The following PIP5K1A variants were observed in gnomAD, a reference collection of about 807,000 sequenced individuals.
The protein encoded by PIP5K1A is phosphatidylinositol 4-phosphate 5-kinase type-1 alpha.
PIP5K1A carries 46 observed loss-of-function variants against 72.9 expected under a neutral mutation model. The ratio of observed to expected loss-of-function variants is 0.63; its 90% CI spans 0.50 to 0.81. The LOEUF (loss-of-function observed/expected upper bound fraction) is 0.81, where lower values mean the gene tolerates loss of function less well. Among genes scored for constraint, PIP5K1A ranks in the 30% least tolerant of loss-of-function variants. The probability of loss-of-function intolerance (pLI) is 0.00; values close to 1 mark genes in which losing one functional copy is unlikely to be tolerated. For synonymous variants in PIP5K1A, 228 were observed against 255.1 expected (o/e 0.89, Z 1.01); for missense variants, 458 against 706.1 (o/e 0.65, Z 3.98).
At chr1:151,230,470 A>G (rs763394382) in intron 4 of PIP5K1A, among the ~76,000 whole-genome samples, 11 of 152,280 alleles carry the variant, frequency 7.2e-5, no homozygotes, top group Middle Eastern at 3.4e-3. Context: ...TGATAATTCT[A>G]AGTCTGAATA....
Position 151,242,547 on chromosome 1 carries a change from T to C in PIP5K1A, c.1620T>C (p.Thr540=). 3 of 1,613,980 alleles carry C rather than the reference T, an allele frequency of 1.9e-6. No homozygotes were observed. Among genetic ancestry groups the C allele is most frequent in the Non-Finnish European group, 2.5e-6 (3 of 1,179,818 alleles). The change falls in exon 14 of 16, where the codon ACT becomes ACC. Residue 540 remains threonine, a synonymous_variant. Transcript: ENST00000368888. ...DPSFSPLVGE[T]LQMLTTSTTL... is the part of the protein sequence containing the mutation. ...GTTTCTCACCTCTAGTTGGAGAGAC[T>C]TTGCAAATGCTAACTACAAGGTTGG...
chr1:151,247,626 G>A (rs587594286), intron 15 of PIP5K1A, among the ~76,000 whole-genome samples: 56 of 151,924 alleles, frequency 3.7e-4, no homozygotes, highest in Non-Finnish European at 1.8e-4. Flanking sequence ...GGGTTTCACC[G>A]TGTTAGCCAG....
intron 1 of PIP5K1A, among the ~76,000 whole-genome samples, chr1:151,211,461 G>A (rs1399957142): frequency 6.6e-6 from 1 of 152,052 alleles, no homozygotes; most frequent in East Asian, 1.9e-4. Flanking sequence ...CTCCAGCCTG[G>A]GTGACAGAGT....
chr1:151,204,107 C>T (rs1193682991), intron 1 of PIP5K1A, among the ~76,000 whole-genome samples: 1 of 152,122 alleles, frequency 6.6e-6, no homozygotes, highest in Non-Finnish European at 1.5e-5. Context: ...TTGCTTTGTT[C>T]TTCCCAGCAG....
At position 151,242,582 on chromosome 1, in the gene PIP5K1A, C is replaced by G. The variant is rs769676605; in HGVS notation, c.1640+15C>G. On this transcript the variant is annotated intron_variant, in intron 14 of 15. Coordinates refer to ENST00000368888, the MANE Select transcript of PIP5K1A (RefSeq NM_001135638.2). ...CTAACTACAAGGTTGGTTTATTGGCCCCTTTCTCCATATAATCTTATCTCT... is the reference window on the plus strand; with the variant it reads ...CTAACTACAAGGTTGGTTTATTGGCGCCTTTCTCCATATAATCTTATCTCT... 2 of 1,609,116 alleles carry G rather than the reference C, an allele frequency of 1.2e-6. No individual in the cohort carries two copies. The highest frequency in any genetic ancestry group is 1.7e-6 in the Non-Finnish European group (2 of 1,175,966).
upstream of PIP5K1A, among the ~76,000 whole-genome samples, chr1:151,197,417 C>T (rs1219678985): frequency 1.3e-5 from 2 of 150,474 alleles, no homozygotes; most frequent in South Asian, 2.1e-4. Flanking sequence ...TAGCCTGGGA[C>T]TACAGGCGCC....
intron 1 of PIP5K1A, among the ~76,000 whole-genome samples, chr1:151,200,029 T>C (rs1684999432): frequency 6.6e-6 from 1 of 151,940 alleles, no homozygotes; most frequent in Non-Finnish European, 1.5e-5. Flanking sequence ...TGCCCAACTT[T>C]GGGAAGGAAT....
chr1:151,206,330 G>A (rs1685923671), intron 1 of PIP5K1A, among the ~76,000 whole-genome samples: 1 of 152,120 alleles, frequency 6.6e-6, no homozygotes, highest in African/African-American at 2.4e-5. Flanking sequence ...AGAGAGGAAG[G>A]TAGGTCTGTT....
intron 3 of PIP5K1A, among the ~76,000 whole-genome samples, chr1:151,226,307 G>T (rs1241310891): frequency 6.6e-6 from 1 of 151,556 alleles, no homozygotes; most frequent in Non-Finnish European, 1.5e-5. Flanking sequence ...GGCTGGTCTT[G>T]AACTCCTGAC....
intron 1 of PIP5K1A, among the ~76,000 whole-genome samples, chr1:151,223,289 G>A (rs1465939466): frequency 1.9e-4 from 28 of 146,598 alleles, no homozygotes; most frequent in Middle Eastern, 3.8e-3. Flanking sequence ...GAAGGACGTT[G>A]CAGGGAGCCA....
chr1:151,210,250 C>CAAT (rs1391816346), intron 1 of PIP5K1A, among the ~76,000 whole-genome samples: 1 of 146,570 alleles, frequency 6.8e-6, no homozygotes, highest in African/African-American at 2.5e-5. Flanking sequence ...GGGTGGTGTG[C>CAAT]AATGGCATGA....
In PIP5K1A at chr1:151,206,956, G is replaced by A. The variant is rs186914116; in HGVS notation, c.85+7875G>A. ...TCAGGCGACCCTCACTGCAACCTTC[G>A]CCTGCTGGGTTCAAGCGATTCTCCT... On this transcript the variant is annotated intron_variant, in intron 1 of 15. Transcript: ENST00000368888. Among the ~76,000 whole-genome samples the A allele has an allele frequency of 2.0e-4, 31 of 152,140 alleles. No individual in the cohort carries two copies. In the East Asian group the frequency reaches 5.4e-3, roughly 27 times the overall value.
intron 1 of PIP5K1A, among the ~76,000 whole-genome samples, chr1:151,209,575 G>C (rs587622059): frequency 8.5e-5 from 13 of 152,180 alleles, no homozygotes; most frequent in Admixed American, 2.6e-4. Context: ...GAGTAGCTGG[G>C]ATTACAGGTA....
rs1021759427 is a variant in PIP5K1A, at chr1:151,198,613, A to G, written c.-384A>G. The G allele has an allele frequency of 6.3e-5, 14 of 222,966 alleles. No homozygotes were observed. Among genetic ancestry groups the G allele is most frequent in the Admixed American group, 1.1e-4 (2 of 18,826 alleles). 13.8% of individuals were successfully genotyped at this position (222,966 alleles called of 1,614,324 possible). On this transcript the variant is annotated 5_prime_UTR_variant, in exon 1 of 16. Transcript: ENST00000368888. The stretch of plus-strand genomic sequence containing the variant: ...GTTGGGCGATTAACAGGCCGTGGTT[A>G]GGAAGGACGGAGAAGGGGCGTTCGC...
upstream of PIP5K1A, among the ~76,000 whole-genome samples, chr1:151,197,498 C>T (rs1684669046): frequency 6.6e-6 from 1 of 151,646 alleles, no homozygotes; most frequent in South Asian, 2.1e-4. Context: ...CCAGGATGGT[C>T]TCGATCTCCT....
At chr1:151,195,697 G>C (rs979091816), upstream of PIP5K1A, among the ~76,000 whole-genome samples, 4 of 151,258 alleles carry the variant, frequency 2.6e-5, no homozygotes, top group Admixed American at 2.6e-4. Flanking sequence ...GTTGCAGTAA[G>C]CCAAGCGCCA....
At chr1:151,234,581 C>T in intron 8 of PIP5K1A, 85 bp downstream of exon 8, 1 of 1,053,168 alleles carries the variant, frequency 9.5e-7, no homozygotes, top group Non-Finnish European at 1.5e-6. Flanking sequence ...GGAGATGGAA[C>T]TCTGTTCCTT....
intron 14 of PIP5K1A, 67 bp from the exon 15 acceptor site, chr1:151,246,853 A>C (rs1692578547): frequency 8.6e-7 from 1 of 1,166,996 alleles, no homozygotes; most frequent in Non-Finnish European, 1.3e-6. Flanking sequence ...GAGATTTAAA[A>C]GGAGAGTCCT....
chr1:151,220,487 A>ATTT (rs1688262961), intron 1 of PIP5K1A, among the ~76,000 whole-genome samples: 1 of 150,534 alleles, frequency 6.6e-6, no homozygotes, highest in Non-Finnish European at 1.5e-5. Context: ...TTTTTTTTTA[A>ATTT]GACAGGATTT....
Sources: gnomAD v4.1 joint callset for allele counts (sites outside exome capture counted in the v4.1 genomes callset) on GRCh38, gnomAD v4.1.1 for gene constraint, MANE v1.5 for transcripts, NCBI Gene and HGNC (gene_info 2026-07-23, HGNC 2026-07-21) for gene names.